The following TBC1D8 variants were observed in gnomAD, a reference collection of about 807,000 sequenced individuals.
TBC1D8 encodes TBC1 domain family member 8.
In TBC1D8, 65 loss-of-function variants were observed where a neutral mutation model predicts 118.8. That is an observed-to-expected ratio of 0.55 (90% CI 0.45 to 0.67). The LOEUF (loss-of-function observed/expected upper bound fraction) is 0.67, where lower values mean the gene tolerates loss of function less well. Ranked by LOEUF, TBC1D8 falls within the 30% of genes least tolerant of loss-of-function variation. TBC1D8 has a pLI of 0.00. For synonymous variants in TBC1D8, 566 were observed against 595.8 expected (o/e 0.95, Z 0.73); for missense variants, 1,376 against 1,471.2 (o/e 0.94, Z 1.06).
intron 2 of TBC1D8, among the ~76,000 whole-genome samples, chr2:101,077,214 G>A (rs1011376195): frequency 2.7e-5 from 4 of 148,684 alleles, no homozygotes; most frequent in African/African-American, 7.5e-5. Context: ...TAGTAGAGAC[G>A]GGGTTTCACT....
At chr2:101,146,987 T>C (rs1270919449) in intron 1 of TBC1D8, among the ~76,000 whole-genome samples, 6 of 152,162 alleles carry the variant, frequency 3.9e-5, no homozygotes, top group Non-Finnish European at 8.8e-5. Context: ...TTATTTCACT[T>C]AACACGATGT....
intron 5 of TBC1D8, 83 bp from the exon 6 acceptor site, chr2:101,040,468 T>C: frequency 7.4e-7 from 1 of 1,352,212 alleles, no homozygotes; most frequent in Non-Finnish European, 1.0e-6. Flanking sequence ...ACTTTTCCTT[T>C]TTTGTTTCAT....
intron 5 of TBC1D8, among the ~76,000 whole-genome samples, chr2:101,044,751 C>CTT (rs1681596198): frequency 6.6e-6 from 1 of 151,956 alleles, no homozygotes; most frequent in South Asian, 2.1e-4. Context: ...CACCAATCAC[C>CTT]TTTTTGTTTT....
In TBC1D8 at chr2:101,036,123, C is replaced by G. The variant is rs1680991745; in HGVS notation, c.1498G>C (p.Glu500Gln). ...KISLWNDHFV[E>Q]YGRTVCMFRT... is the part of the protein sequence containing the mutation. The stretch of plus-strand genomic sequence containing the variant: ...AACATACACACGGTTCTGCCGTATT[C>G]CACAAAGTGGTCATTCCACAGGCTT... The change falls in exon 9 of 20, where the codon GAA becomes CAA. Residue 500 changes from glutamate (E) to glutamine (Q), a missense_variant. Glu to Gln is a conservative substitution (Grantham distance 29, BLOSUM62 2). Transcript: ENST00000409318. The G allele has an allele frequency of 6.2e-7, 1 of 1,613,978 alleles. No homozygotes were observed. Among genetic ancestry groups the G allele is most frequent in the African/African-American group, 1.3e-5 (1 of 75,040 alleles).
intron 3 of TBC1D8, among the ~76,000 whole-genome samples, chr2:101,057,576 A>G (rs1302538490): frequency 6.6e-6 from 1 of 152,252 alleles, no homozygotes; most frequent in East Asian, 1.9e-4. Context: ...CTATAATCCC[A>G]GCACTTTGGG....
chr2:101,046,458 C>T lies in TBC1D8; in HGVS notation c.872+3943G>A, dbSNP rs74368977. The stretch of plus-strand genomic sequence containing the variant: ...CCTAAGCCAACCTGCTGACAATCAC[C>T]GAGCAGCTTGGGGACTGGGGTTGTG... On this transcript the variant is annotated intron_variant, in intron 5 of 19. Transcript: ENST00000409318. Among the ~76,000 whole-genome samples, 72 of 152,286 alleles carry T rather than the reference C, an allele frequency of 4.7e-4. 1 individual carries two copies. In the East Asian group the frequency reaches 0.013, roughly 28 times the overall value.
At chr2:101,019,455 A>C (rs1452558839) in intron 17 of TBC1D8, 4 of 154,346 alleles carry the variant, frequency 2.6e-5, no homozygotes, top group African/African-American at 7.2e-5. Context: ...GGCCTCAGGA[A>C]AATGATGTTT....
chr2:101,109,795 G>T, intron 1 of TBC1D8: 1 of 985,362 alleles, frequency 1.0e-6, no homozygotes, highest in South Asian at 4.7e-5. Flanking sequence ...TTAGAGACAG[G>T]CAAACACTTA....
Position 101,141,794 on chromosome 2 carries a change from T to C in TBC1D8, c.127+9333A>G, listed in dbSNP as rs1679110342. On this transcript the variant is annotated intron_variant, in intron 1 of 19. Transcript: ENST00000409318. ...AAAAAGAATACAGAAAAACCACACA[T>C]GAAGGCGCGCACACACACACACACA... is the stretch of plus-strand genomic sequence containing the variant. Among the ~76,000 whole-genome samples the C allele has an allele frequency of 2.8e-5, 4 of 144,522 alleles. No homozygotes were observed. In the South Asian group the frequency reaches 8.6e-4, roughly 31 times the overall value. 94.8% of individuals were successfully genotyped at this position (144,522 alleles called of 152,430 possible). A position where few individuals can be genotyped will look rare whatever the true frequency, so the allele number is the denominator to read the frequency against.
chr2:101,016,516 C>A (rs1330458088), intron 17 of TBC1D8, among the ~76,000 whole-genome samples: 1 of 152,108 alleles, frequency 6.6e-6, no homozygotes, highest in East Asian at 1.9e-4. Context: ...GTCAGTGTGG[C>A]GATTCCTCAG....
At chr2:101,054,672 C>CTTTTTTTTTTT (rs34465252) in intron 3 of TBC1D8, among the ~76,000 whole-genome samples, 34 of 25,424 alleles carry the variant, frequency 1.3e-3, no homozygotes, top group South Asian at 4.3e-3. Context: ...CTTTTCTTTT[C>CTTTTTTTTTTT]TTTTTTTTTT....
intron 17 of TBC1D8, among the ~76,000 whole-genome samples, chr2:101,013,617 G>A (rs1010566896): frequency 6.6e-6 from 1 of 152,202 alleles, no homozygotes; most frequent in Non-Finnish European, 1.5e-5. Context: ...CCAGCAGGAA[G>A]GTCTCTCCTT....
intron 12 of TBC1D8, 137 bp from the exon 13 acceptor site, chr2:101,028,569 G>T: frequency 7.6e-7 from 1 of 1,308,040 alleles, no homozygotes; most frequent in Non-Finnish European, 1.0e-6. Flanking sequence ...GCAGCTGCTC[G>T]GCTTATTTTA....
At chr2:101,143,358 GAC>G (rs1679195626) in intron 1 of TBC1D8, among the ~76,000 whole-genome samples, 1 of 152,110 alleles carries the variant, frequency 6.6e-6, no homozygotes, top group Non-Finnish European at 1.5e-5. Context: ...ACCACGCACA[GAC>G]ACCTTTCCTT....
chr2:101,143,932 G>A (rs755180546), intron 1 of TBC1D8, among the ~76,000 whole-genome samples: 7 of 152,134 alleles, frequency 4.6e-5, no homozygotes, highest in Non-Finnish European at 8.8e-5. Context: ...ACACAGTGCT[G>A]GTATAAGACA....
chr2:101,032,987 G>A (rs566488585), intron 10 of TBC1D8: 11 of 190,426 alleles, frequency 5.8e-5, no homozygotes, highest in Non-Finnish European at 1.1e-4. Context: ...TTTAAATCCT[G>A]TAATTTCTGT....
chr2:101,039,241 A>C (rs1681228739), intron 6 of TBC1D8, among the ~76,000 whole-genome samples: 1 of 152,236 alleles, frequency 6.6e-6, no homozygotes, highest in South Asian at 2.1e-4. Context: ...ATTACCAAAA[A>C]AAATTTTTTA....
chr2:101,037,360 A>G (rs1681076885), intron 8 of TBC1D8, among the ~76,000 whole-genome samples, 172 bp downstream of exon 8: 1 of 152,226 alleles, frequency 6.6e-6, no homozygotes, highest in African/African-American at 2.4e-5. Context: ...GCAGCCCCTC[A>G]GTCCTCTGAC....
At chr2:101,130,383 T>C (rs1290775622) in intron 1 of TBC1D8, among the ~76,000 whole-genome samples, 1 of 152,216 alleles carries the variant, frequency 6.6e-6, no homozygotes, top group Admixed American at 6.5e-5. Flanking sequence ...TAAGCTGTGC[T>C]TCCCCTCACC....
Sources: allele counts gnomAD v4.1 joint callset (sites outside exome capture counted in the v4.1 genomes callset), GRCh38; gene constraint gnomAD v4.1.1; transcripts MANE v1.5; gene names NCBI Gene and HGNC (gene_info 2026-07-23, HGNC 2026-07-21).